Variants in TMEM165 observed in about 807,000 individuals in gnomAD.
TMEM165 encodes transmembrane protein 165.
TMEM165 carries 19 observed loss-of-function variants against 30.0 expected under a neutral mutation model. The ratio of observed to expected loss-of-function variants is 0.63; its 90% CI spans 0.44 to 0.93. TMEM165 has a LOEUF of 0.93. Ranked by LOEUF, TMEM165 falls within the 40% of genes least tolerant of loss-of-function variation. TMEM165 has a pLI of 0.00. For missense variants in TMEM165, 340 were observed against 417.0 expected, an observed-to-expected ratio of 0.82 and a Z score of 1.61; for synonymous variants, 168 against 162.9, an observed-to-expected ratio of 1.03 and a Z score of -0.24.
intron 4 of TMEM165, among the ~76,000 whole-genome samples, chr4:55,418,588 A>T (rs1344831591): frequency 6.6e-6 from 1 of 152,154 alleles, no homozygotes; most frequent in Non-Finnish European, 1.5e-5. Context: ...TGTTGCACAG[A>T]CTACTTATAA....
chr4:55,431,042 G>C (rs1005553301), downstream of TMEM165: 3 of 152,150 alleles, frequency 2.0e-5, no homozygotes, highest in Non-Finnish European at 2.9e-5. Flanking sequence ...TGATGATTTG[G>C]GGATCCTTTA....
chr4:55,404,996 T>G (rs1578231858), intron 1 of TMEM165, among the ~76,000 whole-genome samples: 1 of 152,236 alleles, frequency 6.6e-6, no homozygotes, highest in African/African-American at 2.4e-5. Flanking sequence ...CCTGACGGTC[T>G]GTGATGCTTT....
intron 3 of TMEM165, chr4:55,435,456 T>A: frequency 6.2e-7 from 1 of 1,614,018 alleles, no homozygotes; most frequent in Non-Finnish European, 8.5e-7. Flanking sequence ...AAGCTGTCAG[T>A]CCTGTGCCGG....
chr4:55,420,976 TC>T (rs1196096645), intron 4 of TMEM165, among the ~76,000 whole-genome samples: 1 of 150,010 alleles, frequency 6.7e-6, no homozygotes, highest in Non-Finnish European at 1.5e-5. Flanking sequence ...GGCAGGCAAA[TC>T]ACCTGAGGTC....
chr4:55,442,140 C>T (rs1015503144), intron 3 of TMEM165: 1 of 332,224 alleles, frequency 3.0e-6, no homozygotes, highest in African/African-American at 2.1e-5. Context: ...AAAAGCTTCA[C>T]AGTGACACAG....
chr4:55,425,913 T>C lies in TMEM165; in HGVS notation c.*461T>C, dbSNP rs950926615. ...TAAACAGTAGTTTAATCATTGGTCT[T>C]TTCAAAACTAGGTGTTTAAAAAAAG... is the stretch of plus-strand genomic sequence containing the variant. On this transcript the variant is annotated 3_prime_UTR_variant, in exon 6 of 6. Transcript: ENST00000381334. 2 of 152,476 alleles carry C rather than the reference T, an allele frequency of 1.3e-5. No homozygotes were observed. Among genetic ancestry groups the C allele is most frequent in the African/African-American group, 4.8e-5 (2 of 41,474 alleles). The allele number at this position is 152,476 out of a possible 1,614,324, so 9.4% of individuals were successfully genotyped here.
intron 1 of TMEM165, among the ~76,000 whole-genome samples, chr4:55,399,999 G>A (rs955520367): frequency 1.4e-5 from 2 of 141,096 alleles, no homozygotes; most frequent in African/African-American, 5.2e-5. Context: ...GAATATAATT[G>A]TCTTCTTTTC....
intron 3 of TMEM165, among the ~76,000 whole-genome samples, chr4:55,438,965 A>G (rs542138457): frequency 6.6e-6 from 1 of 152,340 alleles, no homozygotes; most frequent in Non-Finnish European, 1.5e-5. Flanking sequence ...CTTGGATATG[A>G]TACCAAAAGT....
intron 2 of TMEM165, among the ~76,000 whole-genome samples, chr4:55,413,679 AAAAAT>A (rs1721604891): frequency 6.6e-6 from 1 of 152,236 alleles, no homozygotes; most frequent in Non-Finnish European, 1.5e-5. Flanking sequence ...ACAAAGCAGC[AAAAAT>A]AAAATAGTAT....
intron 1 of TMEM165, among the ~76,000 whole-genome samples, chr4:55,398,415 G>A (rs2109514178): frequency 6.6e-6 from 1 of 152,326 alleles, no homozygotes; most frequent in East Asian, 1.9e-4. Context: ...AGAGCTAGAA[G>A]CTAGTTTCAG....
intron 3 of TMEM165, chr4:55,435,686 A>G (rs1577662984): frequency 7.7e-7 from 1 of 1,299,706 alleles, no homozygotes; most frequent in Non-Finnish European, 1.1e-6. Flanking sequence ...CATAGGGACA[A>G]AATCCTTAAA....
intron 3 of TMEM165, among the ~76,000 whole-genome samples, chr4:55,439,123 A>C (rs1242018769): frequency 2.6e-5 from 4 of 152,212 alleles, no homozygotes; most frequent in Admixed American, 1.3e-4. Context: ...CCTTCTGATA[A>C]GGGATTAGTA....
chr4:55,410,754 C>T (rs958124763), intron 1 of TMEM165, among the ~76,000 whole-genome samples: 7 of 152,138 alleles, frequency 4.6e-5, no homozygotes, highest in African/African-American at 1.7e-4. Flanking sequence ...TTTAAACATA[C>T]CTGGGTCTTT....
intron 3 of TMEM165, among the ~76,000 whole-genome samples, chr4:55,443,475 CAAAAAAAAAAAAAG>C (rs1486337919): frequency 1.7e-5 from 2 of 120,028 alleles, no homozygotes; most frequent in African/African-American, 7.2e-5. Context: ...AACTCCGTCT[CAAAAAAAAAAAAAG>C]AAAAAAAAAA....
chr4:55,406,169 A>G (rs1314523300), intron 1 of TMEM165, among the ~76,000 whole-genome samples: 1 of 152,202 alleles, frequency 6.6e-6, no homozygotes, highest in Non-Finnish European at 1.5e-5. Flanking sequence ...TGAATGAGTA[A>G]ATACAGAGCA....
At chr4:55,397,987 C>A (rs1043266269) in intron 1 of TMEM165, among the ~76,000 whole-genome samples, 12 of 152,148 alleles carry the variant, frequency 7.9e-5, no homozygotes, top group African/African-American at 2.9e-4. Context: ...AAGCGCTTCT[C>A]CGGCCTTGGC....
downstream of TMEM165, chr4:55,428,171 GAAT>G (rs1233607231): frequency 6.6e-6 from 1 of 152,110 alleles, no homozygotes; most frequent in African/African-American, 2.4e-5. Flanking sequence ...GGAAAGAGCA[GAAT>G]AATAGTACAC....
intron 3 of TMEM165, chr4:55,443,808 G>A: frequency 6.2e-7 from 1 of 1,613,900 alleles, no homozygotes; most frequent in African/African-American, 1.3e-5. Flanking sequence ...CATATTTATA[G>A]GTGCAAGTTG....
At chr4:55,424,458 T>C (rs1382903994) in intron 4 of TMEM165, 80 bp from the exon 5 acceptor site, 2 of 823,364 alleles carry the variant, frequency 2.4e-6, no homozygotes, top group Non-Finnish European at 4.1e-6. Context: ...CCACCATTTT[T>C]AGTGCTTCTG....
Sources: allele counts gnomAD v4.1 joint callset (sites outside exome capture counted in the v4.1 genomes callset), GRCh38; gene constraint gnomAD v4.1.1; transcripts MANE v1.5; gene names NCBI Gene and HGNC (gene_info 2026-07-23, HGNC 2026-07-21).